The following CARNMT1 variants were observed in gnomAD, a reference collection of about 807,000 sequenced individuals.
CARNMT1 encodes the protein protein-L-histidine N-pros-methyltransferase CARNMT1.
CARNMT1 carries 28 observed loss-of-function variants against 49.6 expected under a neutral mutation model. The ratio of observed to expected loss-of-function variants is 0.56; its 90% CI spans 0.42 to 0.77. The LOEUF (loss-of-function observed/expected upper bound fraction) is 0.77, where lower values mean the gene tolerates loss of function less well. Among genes scored for constraint, CARNMT1 ranks in the 30% least tolerant of loss-of-function variants. The pLI is 0.00. For synonymous variants in CARNMT1, 178 were observed against 175.0 expected (o/e 1.02, Z -0.13); for missense variants, 421 against 512.6 (o/e 0.82, Z 1.73).
chr9:75,018,189 G>A (rs1833905427), intron 1 of CARNMT1, among the ~76,000 whole-genome samples: 1 of 152,004 alleles, frequency 6.6e-6, no homozygotes, highest in East Asian at 1.9e-4. Flanking sequence ...AGCCTCCCAA[G>A]TAACTGGGAC....
At chr9:75,026,943 G>A (rs1279820590) in intron 1 of CARNMT1, 3 of 500,760 alleles carry the variant, frequency 6.0e-6, no homozygotes, top group East Asian at 7.1e-5. Context: ...CCTTGAGGAG[G>A]TCACAGCAAA....
intron 6 of CARNMT1, among the ~76,000 whole-genome samples, chr9:74,994,934 A>G (rs1010613210): frequency 1.3e-5 from 2 of 152,176 alleles, no homozygotes; most frequent in African/African-American, 4.8e-5. Flanking sequence ...ATGACAGATC[A>G]TAAGTCACAC....
intron 3 of CARNMT1, among the ~76,000 whole-genome samples, chr9:75,002,668 A>AT (rs914889411): frequency 3.3e-5 from 5 of 151,972 alleles, no homozygotes; most frequent in African/African-American, 1.2e-4. Context: ...GTCAAAAAAA[A>AT]TTTTTTTTTA....
At chr9:75,016,228 T>C (rs930186016) in intron 3 of CARNMT1, 40 bp downstream of exon 3, 1 of 1,458,778 alleles carries the variant, frequency 6.9e-7, no homozygotes, top group Non-Finnish European at 9.5e-7. Context: ...CAAGTGTTCA[T>C]ACACTTTAAA....
At chr9:74,990,799 T>G (rs1351041374) in intron 6 of CARNMT1, among the ~76,000 whole-genome samples, 1 of 152,170 alleles carries the variant, frequency 6.6e-6, no homozygotes, top group Non-Finnish European at 1.5e-5. Context: ...AGGAACTAGC[T>G]TAAAGGGGGT....
At chr9:74,999,056 T>G (rs1454102965) in intron 4 of CARNMT1, among the ~76,000 whole-genome samples, 1 of 152,156 alleles carries the variant, frequency 6.6e-6, no homozygotes, top group African/African-American at 2.4e-5. Flanking sequence ...CAAAACCAAG[T>G]AATAACAGTC....
At chr9:75,027,032 C>T (rs1348154005) in intron 1 of CARNMT1, 12 of 1,273,904 alleles carry the variant, frequency 9.4e-6, no homozygotes, top group Admixed American at 2.3e-5. Context: ...AGCAGGAACC[C>T]ACCTATGGGA....
chr9:75,020,209 A>G (rs1587306855), intron 1 of CARNMT1, among the ~76,000 whole-genome samples: 1 of 150,924 alleles, frequency 6.6e-6, no homozygotes, highest in East Asian at 1.9e-4. Context: ...GTTCTTTGGT[A>G]TTAATTCAAT....
intron 6 of CARNMT1, among the ~76,000 whole-genome samples, chr9:74,992,497 A>T (rs1035392220): frequency 6.6e-6 from 1 of 152,164 alleles, no homozygotes; most frequent in Non-Finnish European, 1.5e-5. Context: ...ATACATACAC[A>T]CACACTTTCT....
At chr9:75,022,344 C>A (rs1166591778) in intron 1 of CARNMT1, among the ~76,000 whole-genome samples, 1 of 146,894 alleles carries the variant, frequency 6.8e-6, no homozygotes, top group Non-Finnish European at 1.5e-5. Flanking sequence ...CTGGTTCAGT[C>A]TCCCAAGTAG....
Position 74,995,332 on chromosome 9 carries a change from T to C in CARNMT1, c.1024+1115A>G, listed in dbSNP as rs577378301. Among the ~76,000 whole-genome samples, 20 of 152,252 alleles carry C rather than the reference T, an allele frequency of 1.3e-4. No individual in the cohort carries two copies. The South Asian group carries it at 1.9e-3, about 14-fold the overall frequency. On this transcript the variant is annotated intron_variant, in intron 6 of 7. Coordinates refer to ENST00000376834, the MANE Select transcript of CARNMT1 (RefSeq NM_152420.3). ...ACTATAACATAGTGCCATTTCAATA[T>C]AGGGCTGCTTTGAGATTCCACAAGG... is the stretch of plus-strand genomic sequence containing the variant.
At chr9:74,990,390 G>A (rs551626999) in intron 6 of CARNMT1, among the ~76,000 whole-genome samples, 1 of 152,326 alleles carries the variant, frequency 6.6e-6, no homozygotes, top group East Asian at 1.9e-4. Context: ...AGTGTTGAAA[G>A]CTACCTGCCA....
intron 1 of CARNMT1, among the ~76,000 whole-genome samples, chr9:75,027,731 C>T (rs192916226): frequency 6.6e-6 from 1 of 152,354 alleles, no homozygotes; most frequent in Non-Finnish European, 1.5e-5. Context: ...GGCCTCAAAG[C>T]CAAACCTTTA....
chr9:75,001,110 T>A (rs1267467243), intron 3 of CARNMT1, among the ~76,000 whole-genome samples: 1 of 152,200 alleles, frequency 6.6e-6, no homozygotes, highest in Non-Finnish European at 1.5e-5. Flanking sequence ...AGCAAGTGGC[T>A]GTTCTCAGTT....
At chr9:74,992,494 C>A (rs1001171860) in intron 6 of CARNMT1, among the ~76,000 whole-genome samples, 1 of 152,000 alleles carries the variant, frequency 6.6e-6, no homozygotes, top group African/African-American at 2.4e-5. Context: ...TGGATACATA[C>A]ACACACACTT....
rs1177316523 is a variant in CARNMT1, at chr9:74,996,447, C to G, written c.1024G>C (p.Gly342Arg). The G allele has an allele frequency of 6.5e-7, 1 of 1,546,266 alleles. No individual in the cohort carries two copies. The highest frequency in any genetic ancestry group is 1.8e-5 in the Admixed American group (1 of 55,026). ...TTTTAGTAAATACTAAAAAACTTAC[C>G]TAGATTTATCCAAATTCCACCTGGC... ...LKPGGIWINL[G>R]PLLYHFENLA... is the part of the protein sequence containing the mutation. Residue 342 changes from glycine to arginine, a missense_variant and splice_region_variant, in exon 6 of 8, where the codon GGT (glycine) becomes CGT (arginine). Around this residue, in one of 2 missense-constraint regions of CARNMT1, gnomAD observed 235 missense variants for 344.8 expected, o/e 0.68. Transcript: ENST00000376834.
At chr9:75,015,687 G>C (rs1348301460) in intron 3 of CARNMT1, 7 of 151,848 alleles carry the variant, frequency 4.6e-5, no homozygotes, top group Admixed American at 3.3e-4. Context: ...TTCGGAGTCT[G>C]AGGCATGAGA....
At chr9:75,010,554 G>A (rs1394731882) in intron 3 of CARNMT1, among the ~76,000 whole-genome samples, 1 of 152,180 alleles carries the variant, frequency 6.6e-6, no homozygotes, top group Non-Finnish European at 1.5e-5. Context: ...GTAGAGTCAT[G>A]TGAAACCTAA....
intron 1 of CARNMT1, chr9:75,027,321 C>G (rs543879972): frequency 2.6e-6 from 2 of 755,612 alleles, no homozygotes; most frequent in South Asian, 6.0e-5. Context: ...GAATTAGATA[C>G]AGATTTGCAG....
Sources: gnomAD v4.1 joint callset for allele counts (sites outside exome capture counted in the v4.1 genomes callset) on GRCh38, gnomAD v4.1.1 for gene constraint, gnomAD v4.1.1 regional missense constraint, MANE v1.5 for transcripts, NCBI Gene and HGNC (gene_info 2026-07-23, HGNC 2026-07-21) for gene names.